Variants in APC observed in about 807,000 individuals in gnomAD.
APC encodes APC regulator of Wnt signaling pathway, also known as adenomatous polyposis coli protein.
In APC, 72 loss-of-function variants were observed where a neutral mutation model predicts 247.0. The observed-to-expected ratio is 0.29, with a 90% CI of 0.24 to 0.35. The LOEUF (loss-of-function observed/expected upper bound fraction) is 0.35. Among genes scored for constraint, APC ranks in the 10% least tolerant of loss-of-function variants. APC has a pLI of 1.00. For missense variants in APC, 3,400 were observed against 3,360.7 expected (o/e 1.01, Z -0.29); for synonymous variants, 1,254 against 1,162.5 (o/e 1.08, Z -1.60).
chr5:112,833,192 T>G (rs911002189), intron 14 of APC, among the ~76,000 whole-genome samples: 3 of 150,630 alleles, frequency 2.0e-5, no homozygotes, highest in African/African-American at 7.3e-5. Context: ...TTTTTTTTTT[T>G]TTTTTTTTGA....
chr5:112,733,571 A>AG (rs1752203686), upstream of APC, among the ~76,000 whole-genome samples: 1 of 152,186 alleles, frequency 6.6e-6, no homozygotes, highest in Non-Finnish European at 1.5e-5. Context: ...GCCAGAAAGG[A>AG]TAAGGAAACA....
In APC at chr5:112,763,799, G is replaced by A. The variant is rs7703438; in HGVS notation, c.136-2527G>A. On this transcript the variant is annotated intron_variant, in intron 2 of 15. Transcript: ENST00000257430. ...TGCTTTCAGCATCAGCTTCACCTGA[G>A]AACTTGTTCAAAATGCAGATTTTCA... 0.095 allele frequency among the ~76,000 whole-genome samples: 14,462 copies of A among 152,160 alleles called. 1,525 individuals carry two copies. Among genetic ancestry groups the A allele is most frequent in the African/African-American group, 0.26 (10,770 of 41,462 alleles).
intron 1 of APC, among the ~76,000 whole-genome samples, chr5:112,749,449 A>G (rs994853673): frequency 1.4e-5 from 2 of 147,512 alleles, no homozygotes; most frequent in African/African-American, 5.0e-5. Flanking sequence ...TTGGAGGAGG[A>G]GGGGAAAGAT....
chr5:112,794,160 T>C (rs916852465), intron 7 of APC, among the ~76,000 whole-genome samples: 4 of 152,042 alleles, frequency 2.6e-5, no homozygotes, highest in African/African-American at 9.7e-5. Flanking sequence ...TGGCGCAATC[T>C]CGGCTCACTG....
chr5:112,755,801 G>T (rs573398866), intron 2 of APC, among the ~76,000 whole-genome samples: 2 of 152,178 alleles, frequency 1.3e-5, no homozygotes, highest in East Asian at 3.9e-4. Flanking sequence ...TCATAGAATT[G>T]GACATTATCA....
chr5:112,815,660 G>A (rs887690130), intron 9 of APC, 67 bp downstream of exon 9: 2 of 1,275,982 alleles, frequency 1.6e-6, no homozygotes, highest in Middle Eastern at 1.9e-4. Flanking sequence ...TCTTGGCCAG[G>A]TGCAGTGGCT....
intron 4 of APC, among the ~76,000 whole-genome samples, chr5:112,774,080 AGGTATAAG>A (rs1267968015): frequency 1.3e-5 from 2 of 152,202 alleles, no homozygotes; most frequent in Non-Finnish European, 2.9e-5. Context: ...AATGAGGTAT[AGGTATAAG>A]GCTATTCAAT....
At chr5:112,751,720 A>G (rs1561439927) in intron 1 of APC, among the ~76,000 whole-genome samples, 1 of 151,882 alleles carries the variant, frequency 6.6e-6, no homozygotes, top group African/African-American at 2.4e-5. Flanking sequence ...TATTCCAGGT[A>G]TATAATTGTG....
intron 1 of APC, among the ~76,000 whole-genome samples, chr5:112,719,346 T>A (rs1751354329): frequency 6.6e-6 from 1 of 151,710 alleles, no homozygotes; most frequent in Non-Finnish European, 1.5e-5. Context: ...GCCCTCCGAG[T>A]AGCTGGGATT....
chr5:112,825,420 C>T (rs147109019), intron 11 of APC, among the ~76,000 whole-genome samples: 138 of 152,296 alleles, frequency 9.1e-4, no homozygotes, highest in Middle Eastern at 3.4e-3. Context: ...TTATGTGATC[C>T]GGCATCTACC....
chr5:112,834,847 A>G lies in APC; in HGVS notation c.1744-104A>G. 2.9e-6 allele frequency: 3 copies of G among 1,019,806 alleles called. No individual in the cohort carries two copies. The South Asian group carries it at 3.9e-5, about 13-fold the overall frequency. 63.2% of individuals were successfully genotyped at this position (1,019,806 alleles called of 1,614,324 possible). A position where few individuals can be genotyped will look rare whatever the true frequency, so the allele number is the denominator to read the frequency against. On this transcript the variant is annotated intron_variant, in intron 14 of 15. Transcript: ENST00000257430. ...AATTTACCAGTGAGGGACGGGCAAT[A>G]GGATAGATTAAAAAATAGCTTTTAT...
intron 8 of APC, chr5:112,810,374 A>G (rs912419631): frequency 3.2e-5 from 8 of 250,746 alleles, no homozygotes; most frequent in African/African-American, 1.6e-4. Context: ...TATTTTTTCT[A>G]TAAAGTAGAA....
At chr5:112,801,835 T>C (rs1760868197) in intron 8 of APC, among the ~76,000 whole-genome samples, 2 of 152,092 alleles carry the variant, frequency 1.3e-5, no homozygotes, top group Admixed American at 1.3e-4. Flanking sequence ...CAAGTCTTAC[T>C]GAAAAAGATA....
At chr5:112,744,368 G>A (rs553716892) in intron 1 of APC, among the ~76,000 whole-genome samples, 9 of 151,928 alleles carry the variant, frequency 5.9e-5, no homozygotes, top group Admixed American at 1.3e-4. Flanking sequence ...TCATTCTTAC[G>A]TGTATATTTG....
chr5:112,767,574 G>C (rs1756498872), intron 4 of APC, among the ~76,000 whole-genome samples, 184 bp downstream of exon 4: 1 of 152,086 alleles, frequency 6.6e-6, no homozygotes, highest in African/African-American at 2.4e-5. Flanking sequence ...ATATAAACAA[G>C]GCCGTTTCCT....
chr5:112,741,324 A>G (rs1051867030), intron 1 of APC, among the ~76,000 whole-genome samples: 2 of 152,230 alleles, frequency 1.3e-5, no homozygotes, highest in Admixed American at 6.5e-5. Context: ...CTGCTTTTTC[A>G]TAAAATCTGC....
chr5:112,840,725 C>T lies in APC; in HGVS notation c.5131C>T (p.Pro1711Ser), dbSNP rs762798174. Residue 1711 changes from proline to serine, a missense_variant, in exon 16 of 16, where the codon CCT becomes TCT. By Grantham distance (74) the Pro-to-Ser change is moderately conservative. Coordinates refer to ENST00000257430, the MANE Select transcript of APC (RefSeq NM_000038.6). This position sits in a 1 kb window ranked among gnomAD's most constrained non-coding sequence, Gnocchi z 4.1. ...QGGKTSSVTI[P>S]ELDDNKAEEG... is the part of the protein sequence containing the mutation. ...AGGAAAAACCTCATCTGTAACCATA[C>T]CTGAATTGGATGACAATAAAGCAGA... is the stretch of plus-strand genomic sequence containing the variant. 2 of 1,613,962 alleles carry T rather than the reference C, an allele frequency of 1.2e-6. No individual in the cohort carries two copies. Among genetic ancestry groups the T allele is most frequent in the South Asian group, 1.1e-5 (1 of 91,080 alleles).
chr5:112,771,671 CA>C (rs1466074605), intron 4 of APC, among the ~76,000 whole-genome samples: 2 of 152,128 alleles, frequency 1.3e-5, no homozygotes, highest in Admixed American at 1.3e-4. Flanking sequence ...TTTTGGTATG[CA>C]TATTTTCCTC....
Position 112,784,199 on chromosome 5 carries a change from C to G in APC, c.645+3296C>G, listed in dbSNP as rs62364019. Among the ~76,000 whole-genome samples, 3 of 152,272 alleles carry G rather than the reference C, an allele frequency of 2.0e-5. No individual in the cohort carries two copies. In the South Asian group the frequency reaches 6.2e-4, roughly 32 times the overall value. The stretch of plus-strand genomic sequence containing the variant: ...TCTCATGCCTGAGCCTCCTGAGTAG[C>G]TGGGACTATAGTTGTGTGCCACCAC... On this transcript the variant is annotated intron_variant, in intron 6 of 15. Coordinates refer to ENST00000257430, the MANE Select transcript of APC (RefSeq NM_000038.6).
Sources: allele counts gnomAD v4.1 joint callset (sites outside exome capture counted in the v4.1 genomes callset), GRCh38; gene constraint gnomAD v4.1.1; non-coding constraint Gnocchi (gnomAD v3.1); transcripts MANE v1.5; gene names NCBI Gene and HGNC (gene_info 2026-07-23, HGNC 2026-07-21).